Variants in MIS18BP1 observed in about 807,000 individuals in gnomAD.
MIS18BP1 encodes the protein mis18-binding protein 1.
Under a neutral mutation model 116.1 loss-of-function variants are expected in MIS18BP1, and 72 were observed. That is an observed-to-expected ratio of 0.62 (90% CI 0.51 to 0.75). The LOEUF (loss-of-function observed/expected upper bound fraction) is 0.75, where lower values mean the gene tolerates loss of function less well. Among genes scored for constraint, MIS18BP1 ranks in the 30% least tolerant of loss-of-function variants. The pLI is 0.00. For missense variants in MIS18BP1, 1,363 were observed against 1,303.2 expected (o/e 1.05, Z -0.71); for synonymous variants, 386 against 427.0 (o/e 0.90, Z 1.18).
chr14:45,205,760 A>G (rs1043627877), intron 15 of MIS18BP1, among the ~76,000 whole-genome samples: 3 of 152,212 alleles, frequency 2.0e-5, no homozygotes, highest in African/African-American at 7.2e-5. Context: ...CAATCCTTGA[A>G]CAGGATTGTT....
rs1309287924 is a variant in MIS18BP1 at position 45,226,736 on chromosome 14, A to G, written c.1840+7T>C. 1 of 1,374,662 alleles carries G rather than the reference A, an allele frequency of 7.3e-7. No homozygotes were observed. The highest frequency in any genetic ancestry group is 9.6e-7 in the Non-Finnish European group (1 of 1,040,860). 85.2% of individuals were successfully genotyped at this position (1,374,662 alleles called of 1,614,324 possible). A position where few individuals can be genotyped will look rare whatever the true frequency, so the allele number is the denominator to read the frequency against. ...TTATGATTAAAAAACCATTAAAGAT[A>G]TATTACCTTGCTTCTGACTTTTTAT... is the stretch of plus-strand genomic sequence containing the variant. On this transcript the variant is annotated splice_region_variant and intron_variant, in intron 10 of 16. Coordinates refer to ENST00000310806, the MANE Select transcript of MIS18BP1 (RefSeq NM_018353.5).
At chr14:45,209,022 A>T (rs1890603678) in intron 14 of MIS18BP1, among the ~76,000 whole-genome samples, 1 of 151,910 alleles carries the variant, frequency 6.6e-6, no homozygotes, top group African/African-American at 2.4e-5. Flanking sequence ...TTATTTATTT[A>T]TATGTTTCAA....
At chr14:45,219,069 C>A (rs1404814927) in intron 11 of MIS18BP1, among the ~76,000 whole-genome samples, 1 of 152,154 alleles carries the variant, frequency 6.6e-6, no homozygotes. Flanking sequence ...ACCTGGTATA[C>A]ACATTACCAC....
intron 11 of MIS18BP1, among the ~76,000 whole-genome samples, chr14:45,220,095 T>A (rs1890932339): frequency 7.0e-6 from 1 of 143,308 alleles, no homozygotes; most frequent in African/African-American, 2.9e-5. Flanking sequence ...CTTTCTTTAT[T>A]TACCTTTCTT....
In MIS18BP1 at chr14:45,217,079, C is replaced by T. The variant is rs1489618480; in HGVS notation, c.2943G>A (p.Leu981=). 1 of 1,613,974 alleles carries T rather than the reference C, an allele frequency of 6.2e-7. No homozygotes were observed. Among genetic ancestry groups the T allele is most frequent in the Non-Finnish European group, 8.5e-7 (1 of 1,180,004 alleles). Residue 981 remains leucine, a synonymous_variant, in exon 13 of 17, where the codon TTG becomes TTA. Coordinates refer to ENST00000310806, the MANE Select transcript of MIS18BP1 (RefSeq NM_018353.5). ...KQQMREFLEQ[L]PKDDHDDFFS... ...AAAAATCATCATGGTCATCTTTTGG[C>T]AACTGTTCCAGAAATTCCCTCATCT...
In MIS18BP1 at chr14:45,218,277, G is replaced by C. The variant is rs760282440; in HGVS notation, c.2842+5C>G. ...AGGAAAAAAACTATTTACTACGAAG[G>C]TTACCATTTTGGCCTTTGGAATTGG... On this transcript the variant is annotated splice_donor_5th_base_variant and intron_variant, in intron 12 of 16. Coordinates refer to ENST00000310806, the MANE Select transcript of MIS18BP1 (RefSeq NM_018353.5). 1 of 1,613,084 alleles carries C rather than the reference G, an allele frequency of 6.2e-7. No homozygotes were observed. The highest frequency in any genetic ancestry group is 8.5e-7 in the Non-Finnish European group (1 of 1,179,776).
At chr14:45,249,417 C>T (rs1462198035) in intron 1 of MIS18BP1, among the ~76,000 whole-genome samples, 2 of 151,760 alleles carry the variant, frequency 1.3e-5, no homozygotes, top group East Asian at 3.9e-4. Flanking sequence ...GACAGAGTTT[C>T]CCTATGTTGC....
rs540732724 is a variant in MIS18BP1 at position 45,242,090 on chromosome 14, T to C, written c.1087A>G (p.Lys363Glu). 6.2e-7 allele frequency: 1 copy of C among 1,613,890 alleles called. No individual in the cohort carries two copies. Among genetic ancestry groups the C allele is most frequent in the South Asian group, 1.1e-5 (1 of 91,002 alleles). Residue 363 changes from lysine (K) to glutamate (E), a missense_variant, in exon 4 of 17, where the codon AAG becomes GAG. Coordinates refer to ENST00000310806, the MANE Select transcript of MIS18BP1 (RefSeq NM_018353.5). Reference sequence around the variant, plus strand: ...TGAAATATTCTTGGAGGAGAAAGCTTTGAAATATTTCTTTTTGACCTCCGA... The same window carrying C: ...TGAAATATTCTTGGAGGAGAAAGCTCTGAAATATTTCTTTTTGACCTCCGA... ...IPRRSKRNIS[K>E]LSPPRIFQTV...
At chr14:45,250,793 A>G (rs954346396) in intron 1 of MIS18BP1, among the ~76,000 whole-genome samples, 1 of 152,228 alleles carries the variant, frequency 6.6e-6, no homozygotes, top group African/African-American at 2.4e-5. Flanking sequence ...AGGCCAAGTG[A>G]TCACGAGGCG....
Position 45,242,885 on chromosome 14 carries a change from A to G in MIS18BP1, c.545-11T>C, listed in dbSNP as rs775214221. The G allele has an allele frequency of 2.2e-5, 34 of 1,538,098 alleles. No homozygotes were observed. The South Asian group carries it at 3.9e-4, about 18-fold the overall frequency. Reference sequence around the variant, plus strand: ...CTCCTTGGACTGAGGCTAAGGTTTTATTTTTTAAAGAAAGAAGAAGTTGAA... The same window carrying G: ...CTCCTTGGACTGAGGCTAAGGTTTTGTTTTTTAAAGAAAGAAGAAGTTGAA... On this transcript the variant is annotated splice_polypyrimidine_tract_variant and intron_variant, in intron 2 of 16. Coordinates refer to ENST00000310806, the MANE Select transcript of MIS18BP1 (RefSeq NM_018353.5).
intron 7 of MIS18BP1, 85 bp downstream of exon 7, chr14:45,232,648 A>G (rs1254588066): frequency 1.9e-4 from 150 of 772,350 alleles, no homozygotes; most frequent in Non-Finnish European, 1.5e-5. Flanking sequence ...TACAAAAATT[A>G]GCTGGACATG....
At chr14:45,224,805 T>C in intron 10 of MIS18BP1, 59 bp from the exon 11 acceptor site, 6 of 1,188,414 alleles carry the variant, frequency 5.0e-6, no homozygotes, top group Non-Finnish European at 7.1e-6. Flanking sequence ...TAAACAAATA[T>C]AAGCACAGAA....
At chr14:45,238,588 G>T (rs959792753) in intron 4 of MIS18BP1, among the ~76,000 whole-genome samples, 3 of 152,170 alleles carry the variant, frequency 2.0e-5, no homozygotes, top group Admixed American at 6.5e-5. Flanking sequence ...CCAGAACTTT[G>T]GGAGGCCAAG....
intron 8 of MIS18BP1, among the ~76,000 whole-genome samples, chr14:45,228,364 C>G (rs933681053): frequency 4.6e-5 from 7 of 152,156 alleles, no homozygotes; most frequent in African/African-American, 1.7e-4. Flanking sequence ...TTTGGATCTC[C>G]TTTGTCACAT....
Position 45,210,486 on chromosome 14 carries a change from G to A in MIS18BP1, c.3046C>T (p.Pro1016Ser). ...QDSEDDDDIL[P>S]NMDKNPTTPS... ...GTTGTTGGATTTTTGTCCATATTTG[G>A]CAGAATATCATCATCATCTTCACTG... The change falls in exon 14 of 17, where the codon CCA becomes TCA. Residue 1016 changes from proline to serine, a missense_variant. Transcript: ENST00000310806. 1.2e-6 allele frequency: 2 copies of A among 1,613,912 alleles called. No homozygotes were observed.
intron 14 of MIS18BP1, among the ~76,000 whole-genome samples, chr14:45,209,631 C>A (rs1297081574): frequency 6.6e-6 from 1 of 152,124 alleles, no homozygotes; most frequent in Non-Finnish European, 1.5e-5. Context: ...TCATTAATTT[C>A]TATGACTATA....
chr14:45,244,774 A>T (rs1891680405), intron 2 of MIS18BP1, among the ~76,000 whole-genome samples: 1 of 152,194 alleles, frequency 6.6e-6, no homozygotes, highest in African/African-American at 2.4e-5. Flanking sequence ...TCAGCTGATG[A>T]CTTTACTTAT....
intron 11 of MIS18BP1, among the ~76,000 whole-genome samples, chr14:45,222,746 T>C (rs1051054264): frequency 3.3e-5 from 5 of 152,058 alleles, no homozygotes; most frequent in African/African-American, 4.8e-5. Context: ...CTTTATGGGG[T>C]TGCTTTTCCT....
chr14:45,218,997 A>T (rs1166334142), intron 11 of MIS18BP1, among the ~76,000 whole-genome samples: 4 of 152,152 alleles, frequency 2.6e-5, no homozygotes, highest in Non-Finnish European at 5.9e-5. Context: ...AGAAAACTAT[A>T]AGGAAGTCCC....
Sources: gnomAD v4.1 joint callset for allele counts (sites outside exome capture counted in the v4.1 genomes callset) on GRCh38, gnomAD v4.1.1 for gene constraint, MANE v1.5 for transcripts, NCBI Gene and HGNC (gene_info 2026-07-23, HGNC 2026-07-21) for gene names.